Variants in HDAC9 observed in about 807,000 individuals in gnomAD.
HDAC9 encodes the protein MEF-2 interacting transcription repressor (MITR) protein.
HDAC9 carries 41 observed loss-of-function variants against 139.4 expected under a neutral mutation model. The ratio of observed to expected loss-of-function variants is 0.29; its 90% CI spans 0.23 to 0.38. The LOEUF (loss-of-function observed/expected upper bound fraction) is 0.38, where lower values mean the gene tolerates loss of function less well. HDAC9 is among the 10% of genes least tolerant of loss of function. The pLI, the probability that HDAC9 is intolerant of heterozygous loss-of-function variation, is 1.00. For synonymous variants in HDAC9, 517 were observed against 476.2 expected, an observed-to-expected ratio of 1.09 and a Z score of -1.12; for missense variants, 1,147 against 1,297.0, an observed-to-expected ratio of 0.88 and a Z score of 1.78.
chr7:18,548,709 G>A (rs1816060707), intron 2 of HDAC9, among the ~76,000 whole-genome samples: 1 of 151,980 alleles, frequency 6.6e-6, no homozygotes, highest in South Asian at 2.1e-4. Context: ...ATAAGGAAAT[G>A]GGCAAAAATA....
At chr7:18,694,699 C>T (rs1170880754) in intron 12 of HDAC9, among the ~76,000 whole-genome samples, 11 of 152,060 alleles carry the variant, frequency 7.2e-5, no homozygotes, top group African/African-American at 2.2e-4. Flanking sequence ...TGATTTATTT[C>T]TCTGTGGTGT....
chr7:18,524,901 CAT>C (rs1307135572), intron 2 of HDAC9, among the ~76,000 whole-genome samples: 469 of 148,264 alleles, frequency 3.2e-3, no homozygotes, highest in African/African-American at 0.011. Flanking sequence ...CACACACACA[CAT>C]TACAGATAAG....
At chr7:18,534,979 C>T (rs902340509) in intron 2 of HDAC9, among the ~76,000 whole-genome samples, 1 of 152,152 alleles carries the variant, frequency 6.6e-6, no homozygotes, top group African/African-American at 2.4e-5. Flanking sequence ...CTTGACCACT[C>T]GTCTTCCTCT....
chr7:18,832,326 T>C (rs546471053), intron 19 of HDAC9, among the ~76,000 whole-genome samples: 1 of 152,350 alleles, frequency 6.6e-6, no homozygotes, highest in East Asian at 1.9e-4. Flanking sequence ...TACATTTAGA[T>C]CTTTATTACA....
chr7:18,848,776 C>G (rs997239446), intron 21 of HDAC9, among the ~76,000 whole-genome samples: 2 of 152,090 alleles, frequency 1.3e-5, no homozygotes, highest in African/African-American at 4.8e-5. Context: ...AAAAAAGTAT[C>G]TTCCAAACCA....
At chr7:18,328,209 A>C (rs1800618943) in intron 1 of HDAC9, among the ~76,000 whole-genome samples, 1 of 151,948 alleles carries the variant, frequency 6.6e-6, no homozygotes, top group Non-Finnish European at 1.5e-5. Flanking sequence ...TGATCACAGG[A>C]GATGTCAGCT....
intron 12 of HDAC9, among the ~76,000 whole-genome samples, chr7:18,675,467 T>C (rs2129086397): frequency 6.6e-6 from 1 of 152,216 alleles, no homozygotes; most frequent in East Asian, 1.9e-4. Flanking sequence ...GTTTAAATAG[T>C]GTAATGAGTA....
At chr7:18,468,022 G>A (rs1354534005) in intron 1 of HDAC9, among the ~76,000 whole-genome samples, 2 of 152,168 alleles carry the variant, frequency 1.3e-5, no homozygotes, top group Non-Finnish European at 2.9e-5. Flanking sequence ...GGTGTTCAGA[G>A]AAAGATCATG....
chr7:18,317,567 G>T (rs1799740673), intron 1 of HDAC9, among the ~76,000 whole-genome samples: 1 of 152,170 alleles, frequency 6.6e-6, no homozygotes, highest in Admixed American at 6.5e-5. Flanking sequence ...TATGACTCAC[G>T]TATGTATTTC....
chr7:18,459,179 T>G (rs1183235698), intron 1 of HDAC9, among the ~76,000 whole-genome samples: 1 of 152,160 alleles, frequency 6.6e-6, no homozygotes, highest in African/African-American at 2.4e-5. Flanking sequence ...ACTCGTGTTA[T>G]AATTTTTTAT....
At chr7:18,833,582 A>T (rs1585122056) in intron 19 of HDAC9, among the ~76,000 whole-genome samples, 1 of 152,224 alleles carries the variant, frequency 6.6e-6, no homozygotes, top group Non-Finnish European at 1.5e-5. Context: ...CCTTGTTTAC[A>T]TACAGGAAAA....
chr7:18,086,963 GC>G (rs1354309316), exon 1 of HDAC9: 1 of 147,000 alleles, frequency 6.8e-6, no homozygotes, highest in African/African-American at 2.5e-5. Context: ...CGCGCACCGA[GC>G]CGGCCGCGCC....
intron 23 of HDAC9, chr7:18,949,045 GT>G: frequency 2.6e-6 from 1 of 387,778 alleles, no homozygotes; most frequent in Non-Finnish European, 5.0e-6. Context: ...TTGCTTTAAT[GT>G]TTTCTACAGA....
chr7:18,285,850 C>T (rs896059305), upstream of HDAC9, among the ~76,000 whole-genome samples: 3 of 151,964 alleles, frequency 2.0e-5, no homozygotes, highest in African/African-American at 7.2e-5. Flanking sequence ...AAATAATCAC[C>T]TTAGCACTAA....
At chr7:18,855,599 C>T (rs1264153927) in intron 21 of HDAC9, among the ~76,000 whole-genome samples, 1 of 151,912 alleles carries the variant, frequency 6.6e-6, no homozygotes, top group Non-Finnish European at 1.5e-5. Flanking sequence ...TTTTCAACTG[C>T]CTGTGGTTTC....
At chr7:18,527,714 T>C (rs1051742759) in intron 2 of HDAC9, among the ~76,000 whole-genome samples, 2 of 152,196 alleles carry the variant, frequency 1.3e-5, no homozygotes, top group African/African-American at 4.8e-5. Context: ...GATTTTCTTG[T>C]ATTAATATAT....
At position 18,092,414 on chromosome 7, in the gene HDAC9, A is replaced by ATTT. The variant is rs1562609736; in HGVS notation, c.-97+5201_-97+5202insTTT. 8.0e-3 allele frequency among the ~76,000 whole-genome samples: 1,184 copies of ATTT among 147,832 alleles called. 16 individuals carry two copies. The highest frequency in any genetic ancestry group is 0.025 in the African/African-American group (1,001 of 39,332). On this transcript the variant is annotated intron_variant, in intron 1 of 12. Transcript: ENST00000417496. ...TTCTTTCTTTCTTTTTTTTTTTTTA[A>ATTT]AAAAAAGAACCTCTGGTAAAGTCAG...
intron 22 of HDAC9, among the ~76,000 whole-genome samples, chr7:18,885,423 T>C (rs1167125638): frequency 1.3e-5 from 2 of 152,232 alleles, no homozygotes; most frequent in Non-Finnish European, 2.9e-5. Flanking sequence ...TTAAATGAGA[T>C]AATATATACA....
At chr7:18,985,029 T>G (rs567008440) in intron 25 of HDAC9, among the ~76,000 whole-genome samples, 8 of 152,306 alleles carry the variant, frequency 5.3e-5, no homozygotes, top group Non-Finnish European at 8.8e-5. Flanking sequence ...AAGTCTGTAC[T>G]GAGAATATTT....
Sources: gnomAD v4.1 joint callset for allele counts (sites outside exome capture counted in the v4.1 genomes callset) on GRCh38, gnomAD v4.1.1 for gene constraint, MANE v1.5 for transcripts, NCBI Gene and HGNC (gene_info 2026-07-23, HGNC 2026-07-21) for gene names.